The following ZC3H4 variants were observed in gnomAD, a reference collection of about 807,000 sequenced individuals.
ZC3H4 encodes the protein zinc finger CCCH-type containing 4.
A neutral mutation model predicts 108.3 loss-of-function variants in ZC3H4; 13 were observed. That is an observed-to-expected ratio of 0.12 (90% CI 0.08 to 0.19). ZC3H4 has a LOEUF of 0.19. Ranked by LOEUF, ZC3H4 falls within the 10% of genes least tolerant of loss-of-function variation. ZC3H4 has a pLI of 1.00. For synonymous variants in ZC3H4, 917 were observed against 749.6 expected (o/e 1.22, Z -3.65); for missense variants, 1,734 against 1,838.8 (o/e 0.94, Z 1.04).
chr19:47,109,548 T>A (rs1433380978), intron 2 of ZC3H4, among the ~76,000 whole-genome samples: 1 of 152,212 alleles, frequency 6.6e-6, no homozygotes, highest in African/African-American at 2.4e-5. Flanking sequence ...GTGCCCTGGA[T>A]AATGTGTTTT....
chr19:47,112,202 C>A, intron 2 of ZC3H4: 1 of 1,202,222 alleles, frequency 8.3e-7, no homozygotes, highest in Non-Finnish European at 1.0e-6. Flanking sequence ...GGAGAGCGGG[C>A]GAGCGCCGCG....
At chr19:47,076,086 C>T (rs1349408944) in intron 11 of ZC3H4, among the ~76,000 whole-genome samples, 1 of 152,226 alleles carries the variant, frequency 6.6e-6, no homozygotes, top group East Asian at 1.9e-4. Flanking sequence ...GGCTGAGCCC[C>T]ATTAGGCCAT....
At position 47,066,033 on chromosome 19, in the gene ZC3H4, G is replaced by A. The variant is rs1209662214; in HGVS notation, c.*323C>T. 4.3e-6 allele frequency: 1 copy of A among 231,684 alleles called. No homozygotes were observed. The highest frequency in any genetic ancestry group is 8.3e-6 in the Non-Finnish European group (1 of 120,416). The allele number at this position is 231,684 out of a possible 1,614,324, so 14.4% of individuals were successfully genotyped here. On this transcript the variant is annotated 3_prime_UTR_variant, in exon 15 of 15. Transcript: ENST00000253048. ...GCCCAGAAAACCCACTGGGCCTCCA[G>A]CAAGGCCCGGCCACGCAGAGCCCAC...
intron 2 of ZC3H4, among the ~76,000 whole-genome samples, chr19:47,097,606 A>T (rs1177827313): frequency 6.6e-6 from 1 of 152,230 alleles, no homozygotes; most frequent in Non-Finnish European, 1.5e-5. Context: ...GTGGGCCACC[A>T]GCGCGACGGC....
intron 2 of ZC3H4, among the ~76,000 whole-genome samples, chr19:47,101,916 C>T (rs907858863): frequency 1.3e-5 from 2 of 151,650 alleles, no homozygotes; most frequent in Non-Finnish European, 2.9e-5. Flanking sequence ...CGCCTGTAGT[C>T]CCAGCTACTT....
chr19:47,081,432 A>T, intron 11 of ZC3H4, 81 bp downstream of exon 11: 1 of 1,114,988 alleles, frequency 9.0e-7, no homozygotes, highest in Non-Finnish European at 1.4e-6. Flanking sequence ...GAGGCTGGAC[A>T]GGCAGGCCAC....
chr19:47,101,456 G>GCCTGCCTTGGCCTTCT (rs944410012), intron 2 of ZC3H4, among the ~76,000 whole-genome samples: 9 of 152,088 alleles, frequency 5.9e-5, no homozygotes, highest in Admixed American at 2.0e-4. Flanking sequence ...TTGGACTAAA[G>GCCTGCCTTGGCCTTCT]CCTGCCTTGG....
chr19:47,071,938 T>C lies in ZC3H4; in HGVS notation c.1986A>G (p.Pro662=). The change falls in exon 13 of 15, where the codon CCA becomes CCG. Residue 662 remains proline, a synonymous_variant. Transcript: ENST00000253048. ...TTGGAGGGCCGCCAGGGCCCATGGG[T>C]GGGCCAGGATTCATGCCAGGGCCCA... The part of the protein sequence containing the change: ...MPMGPGMNPG[P]PMGPGGPPMM... 6.2e-7 allele frequency: 1 copy of C among 1,612,742 alleles called. No homozygotes were observed. Among genetic ancestry groups the C allele is most frequent in the Non-Finnish European group, 8.5e-7 (1 of 1,179,430 alleles).
At position 47,067,073 on chromosome 19, in the gene ZC3H4, G is replaced by A. The variant is rs746471473; in HGVS notation, c.3195C>T (p.Ser1065=). Residue 1065 remains serine, a synonymous_variant, in exon 15 of 15, where the codon AGC becomes AGT. Transcript: ENST00000253048. The surrounding 1 kb of genome is among the most constrained non-coding windows in gnomAD (Gnocchi z 6.4). The part of the protein sequence containing the change: ...ATGSSAAPGS[S]DKPSDPRVRK... ...GCACCCGGGGGTCACTGGGTTTGTCGCTGGAACCGGGGGCGGCCGAGGAGC... is the reference window on the plus strand; with the variant it reads ...GCACCCGGGGGTCACTGGGTTTGTCACTGGAACCGGGGGCGGCCGAGGAGC... 9.9e-6 allele frequency: 16 copies of A among 1,608,978 alleles called. No homozygotes were observed. Among genetic ancestry groups the A allele is most frequent in the Non-Finnish European group, 1.2e-5 (14 of 1,177,884 alleles).
intron 1 of ZC3H4, among the ~76,000 whole-genome samples, chr19:47,112,981 G>C (rs2058060405): frequency 6.6e-6 from 1 of 152,160 alleles, no homozygotes; most frequent in Non-Finnish European, 1.5e-5. Context: ...GAGGGGGGTG[G>C]GGGGTTAAAA....
At chr19:47,103,051 C>T (rs1389042701) in intron 2 of ZC3H4, among the ~76,000 whole-genome samples, 1 of 152,158 alleles carries the variant, frequency 6.6e-6, no homozygotes, top group South Asian at 2.1e-4. Flanking sequence ...TCCACTCCCA[C>T]GAGCTCTGAA....
At chr19:47,093,271 G>C (rs2057768474) in intron 4 of ZC3H4, among the ~76,000 whole-genome samples, 1 of 151,928 alleles carries the variant, frequency 6.6e-6, no homozygotes, top group Non-Finnish European at 1.5e-5. Flanking sequence ...GGATTTTCTG[G>C]GGGAAGAAAT....
In ZC3H4 at chr19:47,067,046, C is replaced by T. The variant is rs987898129; in HGVS notation, c.3222G>A (p.Arg1074=). 3 of 1,604,978 alleles carry T rather than the reference C, an allele frequency of 1.9e-6. No homozygotes were observed. The African/African-American group carries it at 4.0e-5, about 21-fold the overall frequency. Residue 1074 remains arginine, a synonymous_variant, in exon 15 of 15, where the codon CGG becomes CGA. Coordinates refer to ENST00000253048, the MANE Select transcript of ZC3H4 (RefSeq NM_015168.2). This position sits in a 1 kb window ranked among gnomAD's most constrained non-coding sequence, Gnocchi z 6.4. ...GCAGCCGAGGGTCGGTGGGGGCCTTCCGCACCCGGGGGTCACTGGGTTTGT... is the reference window on the plus strand; with the variant it reads ...GCAGCCGAGGGTCGGTGGGGGCCTTTCGCACCCGGGGGTCACTGGGTTTGT... The part of the protein sequence containing the change: ...SSDKPSDPRV[R]KAPTDPRLQK...
chr19:47,105,309 T>G (rs1407968492), intron 2 of ZC3H4, among the ~76,000 whole-genome samples: 1 of 152,140 alleles, frequency 6.6e-6, no homozygotes, highest in Non-Finnish European at 1.5e-5. Context: ...GCCAATAAAC[T>G]TTACCTACTG....
chr19:47,081,646 G>A (rs2057525559), intron 10 of ZC3H4, 24 bp from the exon 11 acceptor site: 11 of 1,597,248 alleles, frequency 6.9e-6, no homozygotes, highest in Non-Finnish European at 9.4e-6. Context: ...TAAGGTAAAT[G>A]CTTCATCTCA....
intron 11 of ZC3H4, among the ~76,000 whole-genome samples, chr19:47,080,681 GAC>G (rs2057505295): frequency 1.4e-5 from 2 of 147,616 alleles, no homozygotes; most frequent in Non-Finnish European, 3.0e-5. Context: ...TTTTTTTTGA[GAC>G]ACAGTCTCAC....
chr19:47,070,644 C>T (rs1380112310), intron 13 of ZC3H4, among the ~76,000 whole-genome samples: 1 of 152,168 alleles, frequency 6.6e-6, no homozygotes, highest in East Asian at 1.9e-4. Context: ...CACCCACTCT[C>T]ACCCAAGTAC....
In ZC3H4 at chr19:47,094,092, G is replaced by C; in HGVS notation, c.382-12C>G. 1 of 1,612,914 alleles carries C rather than the reference G, an allele frequency of 6.2e-7. No homozygotes were observed. Among genetic ancestry groups the C allele is most frequent in the Non-Finnish European group, 8.5e-7 (1 of 1,178,930 alleles). On this transcript the variant is annotated splice_polypyrimidine_tract_variant and intron_variant, in intron 3 of 14. Coordinates refer to ENST00000253048, the MANE Select transcript of ZC3H4 (RefSeq NM_015168.2). ...GAAGAAGCATGGCGCTGTAATGACA[G>C]GGGAAGGAGACTCAGCAACCTGCCA...
In ZC3H4 at chr19:47,107,103, C is replaced by T. The variant is rs115634498; in HGVS notation, c.161+5321G>A. Among the ~76,000 whole-genome samples, 818 of 152,294 alleles carry T rather than the reference C, an allele frequency of 5.4e-3. 13 individuals are homozygous for T. The highest frequency in any genetic ancestry group is 0.019 in the African/African-American group (796 of 41,564). On this transcript the variant is annotated intron_variant, in intron 2 of 14. Coordinates refer to ENST00000253048, the MANE Select transcript of ZC3H4 (RefSeq NM_015168.2). ...GACCATTTGAGCATCCATAAAAAGACACTGAGCAAGCAAGAAATATCTTAA... is the reference window on the plus strand; with the variant it reads ...GACCATTTGAGCATCCATAAAAAGATACTGAGCAAGCAAGAAATATCTTAA...
Sources: allele counts gnomAD v4.1 joint callset (sites outside exome capture counted in the v4.1 genomes callset), GRCh38; gene constraint gnomAD v4.1.1; non-coding constraint Gnocchi (gnomAD v3.1); transcripts MANE v1.5; gene names NCBI Gene and HGNC (gene_info 2026-07-23, HGNC 2026-07-21).